The following APC variants were observed in gnomAD, a reference collection of about 807,000 sequenced individuals.
APC encodes adenomatous polyposis coli protein.
In APC, 72 loss-of-function variants were observed where a neutral mutation model predicts 247.0. That is an observed-to-expected ratio of 0.29 (90% CI 0.24 to 0.35). The LOEUF (loss-of-function observed/expected upper bound fraction) is 0.35. Among genes scored for constraint, APC ranks in the 10% least tolerant of loss-of-function variants. The pLI is 1.00. For synonymous variants in APC, 1,254 were observed against 1,162.5 expected (o/e 1.08, Z -1.60); for missense variants, 3,400 against 3,360.7 (o/e 1.01, Z -0.29).
chr5:112,831,658 C>G (rs1411272601), intron 14 of APC, among the ~76,000 whole-genome samples: 2 of 152,154 alleles, frequency 1.3e-5, no homozygotes, highest in Non-Finnish European at 2.9e-5. Context: ...ACTCAGAGCT[C>G]TTACTCTAGA....
chr5:112,843,903 A>G lies in APC; in HGVS notation c.8309A>G (p.His2770Arg), dbSNP rs2150002937. The G allele has an allele frequency of 6.2e-7, 1 of 1,613,956 alleles. No individual in the cohort carries two copies. Among genetic ancestry groups the G allele is most frequent in the Non-Finnish European group, 8.5e-7 (1 of 1,179,872 alleles). The change falls in exon 16 of 16, where the codon CAC becomes CGC. Residue 2770 changes from histidine to arginine, a missense_variant. Physicochemically the swap from His to Arg is conservative, Grantham distance 29. Transcript: ENST00000257430. The surrounding 1 kb of genome is among the most constrained non-coding windows in gnomAD (Gnocchi z 4.8). ...TTCAGTTCTAGCAGCTCAAGCAAAC[A>G]CAGTTCACCTAGTGGGACTGTTGCT... ...TPFSSSSSSK[H>R]SSPSGTVAAR...
At chr5:112,804,942 C>T (rs1761218427) in intron 8 of APC, among the ~76,000 whole-genome samples, 1 of 151,854 alleles carries the variant, frequency 6.6e-6, no homozygotes, top group African/African-American at 2.4e-5. Flanking sequence ...GATCATGCCA[C>T]TGCATTCCAG....
chr5:112,833,291 C>T (rs1580595118), intron 14 of APC, among the ~76,000 whole-genome samples: 1 of 151,378 alleles, frequency 6.6e-6, no homozygotes, highest in Non-Finnish European at 1.5e-5. Flanking sequence ...CAAGCGATTC[C>T]CCTGCCTCAG....
rs907117819 is a variant in APC at position 112,827,056 on chromosome 5, GT to G, written c.1409-49del. 4 of 1,596,080 alleles carry G rather than the reference GT, an allele frequency of 2.5e-6. No homozygotes were observed. The African/African-American group carries it at 5.4e-5, about 21-fold the overall frequency. On this transcript the variant is annotated intron_variant, in intron 11 of 15. Transcript: ENST00000257430. ...TATTTAAGTTACCAACTTGGTACCA[GT>G]TTGTTTTATTTTAGATGATTGTCTT...
chr5:112,797,611 T>C (rs1214677817), intron 7 of APC, among the ~76,000 whole-genome samples: 1 of 152,150 alleles, frequency 6.6e-6, no homozygotes. Flanking sequence ...CTTCCAGACA[T>C]AGTTTATTTA....
In APC at chr5:112,806,400, T is replaced by C. The variant is rs372900303; in HGVS notation, c.834+5017T>C. On this transcript the variant is annotated intron_variant, in intron 8 of 15. Coordinates refer to ENST00000257430, the MANE Select transcript of APC (RefSeq NM_000038.6). ...AACAATAAATATGTGGTGTGTGTAA[T>C]ATCCCTGCTAAAGAAAGGGTTTCTT... Among the ~76,000 whole-genome samples, 195 of 152,292 alleles carry C rather than the reference T, an allele frequency of 1.3e-3. 4 individuals are homozygous for C. In the South Asian group the frequency reaches 0.037, roughly 29 times the overall value.
chr5:112,836,739 C>T (rs1421040613), intron 15 of APC, among the ~76,000 whole-genome samples: 1 of 152,072 alleles, frequency 6.6e-6, no homozygotes, highest in East Asian at 1.9e-4. Flanking sequence ...TGGAGTCTCA[C>T]TCTGTTGTCC....
rs764706774 is a variant in APC at position 112,839,283 on chromosome 5, A to G, written c.3689A>G (p.Gln1230Arg). The G allele has an allele frequency of 2.2e-5, 35 of 1,614,046 alleles. No individual in the cohort carries two copies. The highest frequency in any genetic ancestry group is 2.5e-5 in the Non-Finnish European group (30 of 1,180,036). The change falls in exon 16 of 16, where the codon CAG becomes CGG. Residue 1230 changes from glutamine to arginine, a missense_variant. Gln to Arg is a conservative substitution (Grantham distance 43, BLOSUM62 1). This residue lies in a region of APC where 715 missense variants were observed against 656.6 expected (regional missense o/e 1.09). Coordinates refer to ENST00000257430, the MANE Select transcript of APC (RefSeq NM_000038.6). The surrounding 1 kb of genome is among the most constrained non-coding windows in gnomAD (Gnocchi z 5.0). ...TCATCTAATGCCAAGAGGCAGAATC[A>G]GCTCCATCCAAGTTCTGCACAGAGT... ...TPSSNAKRQN[Q>R]LHPSSAQSRS...
In APC at chr5:112,840,070, C is replaced by G. The variant is rs2149915694; in HGVS notation, c.4476C>G (p.Ala1492=). 1 of 1,614,082 alleles carries G rather than the reference C, an allele frequency of 6.2e-7. No individual in the cohort carries two copies. The highest frequency in any genetic ancestry group is 8.5e-7 in the Non-Finnish European group (1 of 1,179,994). The part of the protein sequence containing the change: ...LPDADTLLHF[A]TESTPDGFSC... ...ATGCTGATACTTTATTACATTTTGC[C>G]ACGGAAAGTACTCCAGATGGATTTT... The change falls in exon 16 of 16, where the codon GCC becomes GCG. Residue 1492 remains alanine (A), a synonymous_variant. Coordinates refer to ENST00000257430, the MANE Select transcript of APC (RefSeq NM_000038.6). This position sits in a 1 kb window ranked among gnomAD's most constrained non-coding sequence, Gnocchi z 4.1.
chr5:112,817,560 T>C (rs11750331), intron 9 of APC, among the ~76,000 whole-genome samples: 3 of 152,348 alleles, frequency 2.0e-5, no homozygotes, highest in East Asian at 1.9e-4. Flanking sequence ...ATTCCAGATC[T>C]GTCTAACCTC....
At chr5:112,722,989 C>T (rs1383335893) in intron 1 of APC, among the ~76,000 whole-genome samples, 1 of 152,076 alleles carries the variant, frequency 6.6e-6, no homozygotes, top group African/African-American at 2.4e-5. Context: ...CTCTGTGTAG[C>T]ATTTCTTCTT....
intron 11 of APC, among the ~76,000 whole-genome samples, chr5:112,825,029 C>G (rs1285472647): frequency 6.6e-6 from 1 of 152,172 alleles, no homozygotes; most frequent in Non-Finnish European, 1.5e-5. Flanking sequence ...ACACTTCTAA[C>G]TCAACTGTCA....
Position 112,819,385 on chromosome 5 carries a change from G to A in APC, c.1312+41G>A, listed in dbSNP as rs530438024. 58 of 1,613,410 alleles carry A rather than the reference G, an allele frequency of 3.6e-5. No individual in the cohort carries two copies. In the South Asian group the frequency reaches 6.3e-4, roughly 17 times the overall value. ...TGTACATCGTAGTGCATGTTTCAAAGCAAATGTGAAATTTTTAAACAGAAA... is the reference window on the plus strand; with the variant it reads ...TGTACATCGTAGTGCATGTTTCAAAACAAATGTGAAATTTTTAAACAGAAA... On this transcript the variant is annotated intron_variant, in intron 10 of 15. Transcript: ENST00000257430.
At chr5:112,766,527 T>C in intron 3 of APC, 117 bp downstream of exon 3, 1 of 697,996 alleles carries the variant, frequency 1.4e-6, no homozygotes, top group South Asian at 1.7e-5. Context: ...TTTCTTGGTA[T>C]GTTAGCCTTA....
intron 1 of APC, among the ~76,000 whole-genome samples, chr5:112,754,644 A>C (rs1468972500): frequency 2.0e-5 from 3 of 152,208 alleles, no homozygotes; most frequent in Admixed American, 6.5e-5. Flanking sequence ...AGACACAACT[A>C]AAGTTCTCTC....
intron 4 of APC, among the ~76,000 whole-genome samples, chr5:112,775,204 G>A (rs543941239): frequency 6.6e-6 from 1 of 152,238 alleles, no homozygotes; most frequent in African/African-American, 2.4e-5. Context: ...CCACATCAGT[G>A]TCCAAAGTAA....
chr5:112,812,222 A>T (rs543240616), intron 8 of APC, among the ~76,000 whole-genome samples: 1 of 152,328 alleles, frequency 6.6e-6, no homozygotes, highest in East Asian at 1.9e-4. Flanking sequence ...CGTGAATACC[A>T]GGAGGCAAAG....
intron 2 of APC, among the ~76,000 whole-genome samples, chr5:112,764,311 G>A (rs73218106): frequency 0.026 from 4,014 of 151,648 alleles, 210 homozygotes; most frequent in African/African-American, 0.092. Flanking sequence ...TGACAGCTCT[G>A]TGCAAGGTTG....
chr5:112,756,662 A>C (rs921250435), intron 2 of APC, among the ~76,000 whole-genome samples: 3 of 152,116 alleles, frequency 2.0e-5, no homozygotes, highest in African/African-American at 7.2e-5. Flanking sequence ...TTAATTCCTT[A>C]AGCAATTCAA....
Sources: allele counts gnomAD v4.1 joint callset (sites outside exome capture counted in the v4.1 genomes callset), GRCh38; gene constraint gnomAD v4.1.1; regional missense constraint gnomAD v4.1.1; non-coding constraint Gnocchi (gnomAD v3.1); transcripts MANE v1.5; gene names NCBI Gene and HGNC (gene_info 2026-07-23, HGNC 2026-07-21).